PLEKHA7: variants seen among roughly 807,000 people sequenced by gnomAD.
The protein encoded by PLEKHA7 is pleckstrin homology domain containing A7.
In PLEKHA7, 104 loss-of-function variants were observed where a neutral mutation model predicts 170.0. That is an observed-to-expected ratio of 0.61 (90% confidence interval 0.52 to 0.72). PLEKHA7 has a LOEUF of 0.72. PLEKHA7 is among the 30% of genes least tolerant of loss of function. The probability of loss-of-function intolerance (pLI) is 0.00; values close to 1 mark genes in which losing one functional copy is unlikely to be tolerated. For missense variants in PLEKHA7, 1,615 were observed against 1,671.7 expected (o/e 0.97, Z 0.59); for synonymous variants, 648 against 660.8 (o/e 0.98, Z 0.30).
In PLEKHA7 at chr11:16,789,323, GAC is replaced by G. The variant is rs1224503678; in HGVS notation, c.3157-29_3157-28del. 3 of 1,608,272 alleles carry G rather than the reference GAC, an allele frequency of 1.9e-6. No homozygotes were observed. Among genetic ancestry groups the G allele is most frequent in the Non-Finnish European group, 2.5e-6 (3 of 1,177,450 alleles). ...TGAGGAAGAGGAGGCAGGCAAGAGA[GAC>G]ACAGAACAGCTGGGCTGGGCACGCA... On this transcript the variant is annotated intron_variant, in intron 22 of 26. Transcript: ENST00000531066. This position sits in a 1 kb window ranked among gnomAD's most constrained non-coding sequence, Gnocchi z 4.6.
chr11:16,954,204 T>C (rs531286430), intron 3 of PLEKHA7, among the ~76,000 whole-genome samples: 7 of 152,252 alleles, frequency 4.6e-5, no homozygotes, highest in Middle Eastern at 3.4e-3. Context: ...TATCCAGCAC[T>C]ATTGGAGCAA....
At chr11:16,983,384 T>C (rs982681933) in intron 3 of PLEKHA7, among the ~76,000 whole-genome samples, 31 of 152,016 alleles carry the variant, frequency 2.0e-4, no homozygotes, top group African/African-American at 7.2e-4. Context: ...CATCAGACCA[T>C]GTGAGAGGCT....
chr11:16,989,921 C>A (rs1863934464), intron 3 of PLEKHA7, among the ~76,000 whole-genome samples: 1 of 152,074 alleles, frequency 6.6e-6, no homozygotes, highest in South Asian at 2.1e-4. Flanking sequence ...CATGCCAGCA[C>A]CATCCCCCAA....
Position 16,801,011 on chromosome 11 carries a change from G to T in PLEKHA7, c.2372C>A (p.Thr791Asn). Residue 791 changes from threonine to asparagine, a missense_variant, in exon 17 of 27, where the codon ACC (threonine) becomes AAC (asparagine). Coordinates refer to ENST00000531066, the MANE Select transcript of PLEKHA7 (RefSeq NM_001329630.2). ...LENDVEQLKQTLQEQHRRAFF... is the reference protein window; with the variant it reads ...LENDVEQLKQNLQEQHRRAFF... ...GGCTCTTCTGTGTTGCTCCTGCAGG[G>T]TCTGCTTCAGCTGTTCCACATCATT... 1.9e-6 allele frequency: 3 copies of T among 1,614,244 alleles called. No homozygotes were observed. The highest frequency in any genetic ancestry group is 2.5e-6 in the Non-Finnish European group (3 of 1,180,046).
intron 9 of PLEKHA7, among the ~76,000 whole-genome samples, chr11:16,834,735 C>T (rs900582636): frequency 3.9e-5 from 6 of 152,142 alleles, no homozygotes; most frequent in South Asian, 2.1e-4. Flanking sequence ...AGTATTATGG[C>T]GGAAGTCAGT....
At chr11:16,996,125 A>G (rs1864323970) in intron 3 of PLEKHA7, among the ~76,000 whole-genome samples, 1 of 152,238 alleles carries the variant, frequency 6.6e-6, no homozygotes, top group Admixed American at 6.5e-5. Context: ...TATGTTCTGG[A>G]GACTAAGTAG....
rs777321154 is a variant in PLEKHA7 at position 16,789,157 on chromosome 11, T to A, written c.3296A>T (p.Glu1099Val). 1 of 1,611,748 alleles carries A rather than the reference T, an allele frequency of 6.2e-7. No homozygotes were observed. Among genetic ancestry groups the A allele is most frequent in the South Asian group, 1.1e-5 (1 of 91,072 alleles). ...GCGAGATGAGGGCAGGCCCGTCCTCTCCCCTTGGCCCAGTGTCCTCTTGCG... is the reference window on the plus strand; with the variant it reads ...GCGAGATGAGGGCAGGCCCGTCCTCACCCCTTGGCCCAGTGTCCTCTTGCG... ...RERKRTLGQG[E>V]RTGLPSSRYL... Residue 1099 changes from glutamate (E) to valine (V), a missense_variant, in exon 23 of 27, where the codon GAG (glutamate) becomes GTG (valine). Physicochemically the swap from Glu to Val is moderately radical, Grantham distance 121 (BLOSUM62 -2). Coordinates refer to ENST00000531066, the MANE Select transcript of PLEKHA7 (RefSeq NM_001329630.2). This position sits in a 1 kb window ranked among gnomAD's most constrained non-coding sequence, Gnocchi z 4.6.
rs75532119 is a variant in PLEKHA7 at position 16,875,236 on chromosome 11, T to C, written c.222-4054A>G. On this transcript the variant is annotated intron_variant, in intron 3 of 26. Transcript: ENST00000531066. ...GCAGCTTTAACTATGCTTACATTCA[T>C]CATCTTATTTGCCCCTCCAAACTAC... Among the ~76,000 whole-genome samples the C allele has an allele frequency of 7.0e-3, 1,073 of 152,254 alleles. 15 individuals carry two copies. Among genetic ancestry groups the C allele is most frequent in the African/African-American group, 0.024 (995 of 41,522 alleles).
rs1848821954 is a variant in PLEKHA7, at chr11:16,778,914, GT to G, written c.*83del. On this transcript the variant is annotated 3_prime_UTR_variant, in exon 27 of 27. Transcript: ENST00000531066. ...CGGATTCCCTGCTCAGCTGGAAGGG[GT>G]TTCCTTGGGGGCAGAAAGGTCATCT... 2.8e-6 allele frequency: 2 copies of G among 702,030 alleles called. No homozygotes were observed. Among genetic ancestry groups the G allele is most frequent in the Non-Finnish European group, 2.6e-6 (1 of 384,578 alleles). 43.5% of individuals were successfully genotyped at this position (702,030 alleles called of 1,614,324 possible). A position where few individuals can be genotyped will look rare whatever the true frequency, so the allele number is the denominator to read the frequency against.
intron 23 of PLEKHA7, chr11:16,787,994 A>G (rs1849517175): frequency 6.6e-6 from 1 of 152,292 alleles, no homozygotes; most frequent in Non-Finnish European, 1.5e-5. Flanking sequence ...TTCCATAAGA[A>G]ATTGTGTGAT....
At chr11:16,999,962 C>T (rs1024766906) in intron 3 of PLEKHA7, among the ~76,000 whole-genome samples, 3 of 152,164 alleles carry the variant, frequency 2.0e-5, no homozygotes, top group Admixed American at 6.5e-5. Context: ...TACTGCCTCC[C>T]CACAAAAGAA....
intron 7 of PLEKHA7, among the ~76,000 whole-genome samples, chr11:16,851,558 C>CAAGCGATT (rs1852959470): frequency 1.3e-5 from 2 of 152,176 alleles, no homozygotes; most frequent in Non-Finnish European, 2.9e-5. Flanking sequence ...AAGCGATTCT[C>CAAGCGATT]CTGCCTTAGC....
At chr11:16,949,609 C>CTCAT (rs902258289) in intron 3 of PLEKHA7, among the ~76,000 whole-genome samples, 15 of 152,264 alleles carry the variant, frequency 9.9e-5, no homozygotes, top group Admixed American at 9.8e-4. Flanking sequence ...AAATTGTTTG[C>CTCAT]TCATTCATTC....
chr11:16,921,171 C>T (rs1859060834), intron 3 of PLEKHA7, among the ~76,000 whole-genome samples: 2 of 152,268 alleles, frequency 1.3e-5, no homozygotes, highest in South Asian at 4.1e-4. Context: ...ACTGGCAGAT[C>T]ATCTGGAACA....
At position 16,794,541 on chromosome 11, in the gene PLEKHA7, G is replaced by T. The variant is rs185645464; in HGVS notation, c.2692C>A (p.Leu898Met). Reference protein sequence around the residue: ...YVPYRPHPPQLRKVTSPLQSP... With the variant: ...YVPYRPHPPQMRKVTSPLQSP... The stretch of plus-strand genomic sequence containing the variant: ...TGAAGGGGGGATGTCACTTTCCTCA[G>T]CTGGGGTGGGTGAGGTCGGTACGGC... Residue 898 changes from leucine (L) to methionine (M), a missense_variant, in exon 19 of 27, where the codon CTG becomes ATG. Physicochemically the swap from Leu to Met is conservative, Grantham distance 15. Coordinates refer to ENST00000531066, the MANE Select transcript of PLEKHA7 (RefSeq NM_001329630.2). 1 of 1,613,884 alleles carries T rather than the reference G, an allele frequency of 6.2e-7. No individual in the cohort carries two copies. Among genetic ancestry groups the T allele is most frequent in the Non-Finnish European group, 8.5e-7 (1 of 1,180,008 alleles).
In PLEKHA7 at chr11:16,819,286, C is replaced by T. The variant is rs571948579; in HGVS notation, c.1344-1964G>A. Among the ~76,000 whole-genome samples, 14 of 152,220 alleles carry T rather than the reference C, an allele frequency of 9.2e-5. No homozygotes were observed. The South Asian group carries it at 2.1e-3, about 23-fold the overall frequency. ...CTAATTTTTGTATTTTTAGTAGAGA[C>T]GGGGTTTCACCATGTTGGCCAGGCT... On this transcript the variant is annotated intron_variant, in intron 10 of 26. Transcript: ENST00000531066.
chr11:16,951,944 C>A (rs1235904279), intron 3 of PLEKHA7, among the ~76,000 whole-genome samples: 1 of 152,212 alleles, frequency 6.6e-6, no homozygotes, highest in African/African-American at 2.4e-5. Flanking sequence ...TCAGAGGAAA[C>A]TAAGGTCTAA....
chr11:16,911,151 G>C (rs1451872265), intron 3 of PLEKHA7, among the ~76,000 whole-genome samples: 2 of 152,198 alleles, frequency 1.3e-5, no homozygotes, highest in Admixed American at 6.5e-5. Flanking sequence ...GAAACAGCAC[G>C]AGGAAATCAA....
intron 3 of PLEKHA7, among the ~76,000 whole-genome samples, chr11:16,965,620 A>G (rs974753960): frequency 5.9e-5 from 9 of 152,162 alleles, no homozygotes; most frequent in African/African-American, 1.9e-4. Context: ...ACCCTACTCC[A>G]GCTCAAAGCC....
Sources: allele counts gnomAD v4.1 joint callset (sites outside exome capture counted in the v4.1 genomes callset), GRCh38; gene constraint gnomAD v4.1.1; non-coding constraint Gnocchi (gnomAD v3.1); transcripts MANE v1.5; gene names NCBI Gene and HGNC (gene_info 2026-07-23, HGNC 2026-07-21).